SNX7: variants seen among roughly 807,000 people sequenced by gnomAD.
SNX7 encodes the protein sorting nexin 7.
SNX7 carries 35 observed loss-of-function variants against 48.4 expected under a neutral mutation model. The observed-to-expected ratio is 0.72, with a 90% confidence interval of 0.55 to 0.96. The LOEUF (loss-of-function observed/expected upper bound fraction) is 0.96. Among genes scored for constraint, SNX7 ranks in the 40% least tolerant of loss-of-function variants. The probability of loss-of-function intolerance (pLI) is 0.00; values close to 1 mark genes in which losing one functional copy is unlikely to be tolerated. For missense variants in SNX7, 553 were observed against 548.9 expected (o/e 1.01, Z -0.07); for synonymous variants, 190 against 190.2 (o/e 1.00, Z 0.01).
In SNX7 at chr1:98,707,373, A is replaced by G. The variant is rs187538779; in HGVS notation, c.1125+5470A>G. ...TGTGCACCAGTAAAGAAGATATTCA[A>G]TGTGATAGATACCATCCTATGAAAG... On this transcript the variant is annotated intron_variant, in intron 7 of 8. Coordinates refer to ENST00000306121, the MANE Select transcript of SNX7 (RefSeq NM_015976.5). Among the ~76,000 whole-genome samples, 12 of 152,330 alleles carry G rather than the reference A, an allele frequency of 7.9e-5. No individual in the cohort carries two copies. The East Asian group carries it at 1.2e-3, about 15-fold the overall frequency.
intron 7 of SNX7, among the ~76,000 whole-genome samples, chr1:98,718,656 C>G (rs1269456053): frequency 6.6e-6 from 1 of 152,034 alleles, no homozygotes; most frequent in Non-Finnish European, 1.5e-5. Context: ...AAAAGTGTGC[C>G]CATCCCAATA....
At position 98,695,568 on chromosome 1, in the gene SNX7, G is replaced by A. The variant is rs149985584; in HGVS notation, c.690G>A (p.Gly230=). Residue 230 remains glycine (G), a synonymous_variant, in exon 5 of 9, where the codon GGG becomes GGA. Coordinates refer to ENST00000306121, the MANE Select transcript of SNX7 (RefSeq NM_015976.5). ...GTCCTGGCTTGCTAAGCAGGATGGG[G>A]CAAACCGTCAGAGCTGTTGCGTCCT... ...KQGPGLLSRM[G]QTVRAVASSM... is the part of the protein sequence containing the mutation. 1 of 1,613,980 alleles carries A rather than the reference G, an allele frequency of 6.2e-7. No homozygotes were observed. The highest frequency in any genetic ancestry group is 1.3e-5 in the African/African-American group (1 of 74,908).
intron 1 of SNX7, among the ~76,000 whole-genome samples, chr1:98,675,310 A>G (rs963167673): frequency 1.3e-5 from 2 of 152,206 alleles, no homozygotes; most frequent in Admixed American, 1.3e-4. Flanking sequence ...AAGTGAATAT[A>G]AAACACTTTA....
chr1:98,672,554 A>G (rs1385842972), intron 1 of SNX7, among the ~76,000 whole-genome samples: 4 of 151,400 alleles, frequency 2.6e-5, no homozygotes, highest in Non-Finnish European at 4.4e-5. Flanking sequence ...GGCATCTTGG[A>G]CCTTTCTGAA....
chr1:98,749,953 A>G (rs1337401997), intron 8 of SNX7, among the ~76,000 whole-genome samples: 1 of 152,022 alleles, frequency 6.6e-6, no homozygotes, highest in Non-Finnish European at 1.5e-5. Flanking sequence ...TCCAATTGGT[A>G]GCTTACTGAG....
rs1252871166 is a variant in SNX7 at position 98,691,193 on chromosome 1, T to G, written c.474+8T>G. On this transcript the variant is annotated splice_region_variant and intron_variant, in intron 3 of 8. Coordinates refer to ENST00000306121, the MANE Select transcript of SNX7 (RefSeq NM_015976.5). ...CCCACTCTGATTATTCCAGTAAGTT[T>G]GCAAAATTTTTTTTTTCATAGAATA... 6.3e-7 allele frequency: 1 copy of G among 1,576,516 alleles called. No homozygotes were observed. The highest frequency in any genetic ancestry group is 8.6e-7 in the Non-Finnish European group (1 of 1,160,764).
intron 8 of SNX7, among the ~76,000 whole-genome samples, chr1:98,744,325 T>C (rs138904109): frequency 2.0e-5 from 3 of 151,862 alleles, no homozygotes; most frequent in Non-Finnish European, 4.4e-5. Flanking sequence ...ATGAAGCAGG[T>C]GAAGAATCTG....
At chr1:98,699,619 T>C (rs1651648816) in intron 6 of SNX7, among the ~76,000 whole-genome samples, 1 of 152,136 alleles carries the variant, frequency 6.6e-6, no homozygotes, top group Non-Finnish European at 1.5e-5. Flanking sequence ...ATACAGCTCC[T>C]TTTTTCCGTT....
At chr1:98,723,216 G>C (rs757073169) in intron 7 of SNX7, among the ~76,000 whole-genome samples, 1 of 152,128 alleles carries the variant, frequency 6.6e-6, no homozygotes, top group South Asian at 2.1e-4. Context: ...TAAATGTTTT[G>C]GGAAGCATTA....
chr1:98,720,842 G>A (rs531094519), intron 7 of SNX7, among the ~76,000 whole-genome samples: 48 of 152,064 alleles, frequency 3.2e-4, no homozygotes, highest in African/African-American at 9.9e-4. Context: ...TTGGTTGATC[G>A]AATCAAAGAA....
rs374686440 is a variant in SNX7 at position 98,691,914 on chromosome 1, T to C, written c.639+215T>C. On this transcript the variant is annotated intron_variant, in intron 4 of 8. Transcript: ENST00000306121. Reference sequence around the variant, plus strand: ...AAATCTTGTATCTTCTCCATATATATACACACACACACACACACACACACT... The same window carrying C: ...AAATCTTGTATCTTCTCCATATATACACACACACACACACACACACACACT... Among the ~76,000 whole-genome samples the C allele has an allele frequency of 4.0e-4, 54 of 133,576 alleles. 1 individual carries two copies. The highest frequency in any genetic ancestry group is 1.3e-3 in the African/African-American group (48 of 35,768). 87.6% of individuals were successfully genotyped at this position (133,576 alleles called of 152,430 possible).
chr1:98,697,413 T>C (rs1651514765), intron 5 of SNX7, among the ~76,000 whole-genome samples: 1 of 152,084 alleles, frequency 6.6e-6, no homozygotes, highest in Non-Finnish European at 1.5e-5. Flanking sequence ...GATAATTTGA[T>C]TGTATTTATA....
chr1:98,733,748 T>C (rs1378597770), intron 7 of SNX7, among the ~76,000 whole-genome samples: 1 of 152,072 alleles, frequency 6.6e-6, no homozygotes, highest in East Asian at 1.9e-4. Flanking sequence ...AGATGGATGC[T>C]GAGTGGAAGC....
intron 8 of SNX7, among the ~76,000 whole-genome samples, chr1:98,755,134 TATA>T (rs1420482490): frequency 6.6e-6 from 1 of 152,186 alleles, no homozygotes; most frequent in African/African-American, 2.4e-5. Flanking sequence ...GGTACTGATT[TATA>T]ATTTAATTCC....
chr1:98,716,648 C>T (rs1418440164), intron 7 of SNX7, among the ~76,000 whole-genome samples: 1 of 152,144 alleles, frequency 6.6e-6, no homozygotes, highest in African/African-American at 2.4e-5. Context: ...CACAGTTATA[C>T]AGCTAGTTAA....
rs745605223 is a variant in SNX7 at position 98,691,167 on chromosome 1, C to T, written c.456C>T (p.His152=). 97 of 1,607,436 alleles carry T rather than the reference C, an allele frequency of 6.0e-5. No individual in the cohort carries two copies. The highest frequency in any genetic ancestry group is 7.2e-5 in the Non-Finnish European group (85 of 1,176,376). The change falls in exon 3 of 9, where the codon CAC becomes CAT. Residue 152 remains histidine, a synonymous_variant. Transcript: ENST00000306121. ...TGAAGGGAAAACTGGAAGAAGCACA[C>T]CCCACTCTGATTATTCCAGTAAGTT... The part of the protein sequence containing the change: ...LWLKGKLEEA[H]PTLIIPPLPE...
chr1:98,711,831 C>G (rs967499993), intron 7 of SNX7, among the ~76,000 whole-genome samples: 2 of 152,178 alleles, frequency 1.3e-5, no homozygotes, highest in Non-Finnish European at 2.9e-5. Flanking sequence ...TAGCATTTTA[C>G]CCACAGAACT....
At chr1:98,679,706 T>G (rs1374514153) in intron 1 of SNX7, among the ~76,000 whole-genome samples, 28 of 152,180 alleles carry the variant, frequency 1.8e-4, no homozygotes, top group Admixed American at 1.8e-3. Flanking sequence ...TAGTCAAATC[T>G]TAAAACTCCA....
chr1:98,717,221 C>T (rs538452930), intron 7 of SNX7, among the ~76,000 whole-genome samples: 2 of 152,216 alleles, frequency 1.3e-5, no homozygotes, highest in African/African-American at 2.4e-5. Flanking sequence ...TGAGCACACA[C>T]GATGTGCCAG....
Sources: allele counts gnomAD v4.1 joint callset (sites outside exome capture counted in the v4.1 genomes callset), GRCh38; gene constraint gnomAD v4.1.1; transcripts MANE v1.5; gene names NCBI Gene and HGNC (gene_info 2026-07-23, HGNC 2026-07-21).